The following PDZD8 variants were observed in gnomAD, a reference collection of about 807,000 sequenced individuals.
The protein encoded by PDZD8 is PDZ domain containing 8, also known as PDZ domain-containing protein 8.
A neutral mutation model predicts 85.8 loss-of-function variants in PDZD8; 14 were observed. The ratio of observed to expected loss-of-function variants is 0.16; its 90% CI spans 0.11 to 0.26. The LOEUF (loss-of-function observed/expected upper bound fraction) is 0.26. PDZD8 is among the 10% of genes least tolerant of loss of function. The probability of loss-of-function intolerance (pLI) is 1.00; values close to 1 mark genes in which losing one functional copy is unlikely to be tolerated. For missense variants in PDZD8, 1,197 were observed against 1,424.3 expected, an observed-to-expected ratio of 0.84 and a Z score of 2.57; for synonymous variants, 592 against 568.6, an observed-to-expected ratio of 1.04 and a Z score of -0.59.
At position 117,375,244 on chromosome 10, in the gene PDZD8, C is replaced by A; in HGVS notation, c.-17G>T. 1 of 1,453,170 alleles carries A rather than the reference C, an allele frequency of 6.9e-7. No individual in the cohort carries two copies. The highest frequency in any genetic ancestry group is 1.4e-5 in the South Asian group (1 of 72,288). 90.0% of individuals were successfully genotyped at this position (1,453,170 alleles called of 1,614,324 possible). A position where few individuals can be genotyped will look rare whatever the true frequency, so the allele number is the denominator to read the frequency against. On this transcript the variant is annotated 5_prime_UTR_variant, in exon 1 of 5. Transcript: ENST00000334464. ...CAGCCCCATCCCGCCACCGCCTCCG[C>A]CCGGGCCCCTACTCCCGCGCCCACA... is the stretch of plus-strand genomic sequence containing the variant.
chr10:117,319,021 C>A, intron 2 of PDZD8, 47 bp from the exon 3 acceptor site: 3 of 1,296,742 alleles, frequency 2.3e-6, no homozygotes, highest in South Asian at 2.5e-5. Flanking sequence ...CTGTTATATT[C>A]ATTAAAATTT....
Position 117,283,107 on chromosome 10 carries a change from T to C in PDZD8, c.*161A>G. On this transcript the variant is annotated 3_prime_UTR_variant, in exon 5 of 5. Coordinates refer to ENST00000334464, the MANE Select transcript of PDZD8 (RefSeq NM_173791.5). ...AAACAACCAATTAGTAAGCTGGTCATGTTTTTACTGGAAAACAACCTTTCT... is the reference window on the plus strand; with the variant it reads ...AAACAACCAATTAGTAAGCTGGTCACGTTTTTACTGGAAAACAACCTTTCT... 3.0e-6 allele frequency: 2 copies of C among 671,062 alleles called. No individual in the cohort carries two copies. The highest frequency in any genetic ancestry group is 4.7e-6 in the Non-Finnish European group (2 of 424,352). 41.6% of individuals were successfully genotyped at this position (671,062 alleles called of 1,614,324 possible).
At position 117,277,306 on chromosome 10, in the gene PDZD8, AAAAC is replaced by A. The variant is rs765909254; in HGVS notation, c.*5958_*5961del. The A allele has an allele frequency of 1.4e-5, 18 of 1,281,976 alleles. No homozygotes were observed. In the South Asian group the frequency reaches 2.2e-4, roughly 16 times the overall value. The allele number at this position is 1,281,976 out of a possible 1,614,324, so 79.4% of individuals were successfully genotyped here. On this transcript the variant is annotated 3_prime_UTR_variant, in exon 5 of 5. Transcript: ENST00000334464. ...AAATCATCAAAGTGTTTAATTGTAT[AAAAC>A]AGTGTTTCCAGTGACACAACTCATC... is the stretch of plus-strand genomic sequence containing the variant.
At chr10:117,319,415 ACACACACACACACACACACT>A (rs1484093073) in intron 2 of PDZD8, among the ~76,000 whole-genome samples, 7 of 89,840 alleles carry the variant, frequency 7.8e-5, no homozygotes, top group Admixed American at 1.2e-4. Flanking sequence ...ACACACACAC[ACACACACACACACACACACT>A]CTTCATCTAC....
At chr10:117,368,094 C>A (rs1240254950) in intron 1 of PDZD8, among the ~76,000 whole-genome samples, 1 of 152,176 alleles carries the variant, frequency 6.6e-6, no homozygotes, top group Non-Finnish European at 1.5e-5. Flanking sequence ...GAAAGACTAA[C>A]CCTATAATAG....
rs1276602579 is a variant in PDZD8, at chr10:117,331,048, TAGAC to T, written c.995+9928_995+9931del. Reference sequence around the variant, plus strand: ...CCATCACTTAAGCCTCAATTCAAATTAGACAGCCTCATATAGTTGACTTATTTAT... The same window carrying T: ...CCATCACTTAAGCCTCAATTCAAATTAGCCTCATATAGTTGACTTATTTAT... On this transcript the variant is annotated intron_variant, in intron 2 of 4. Coordinates refer to ENST00000334464, the MANE Select transcript of PDZD8 (RefSeq NM_173791.5). 2.4e-4 allele frequency among the ~76,000 whole-genome samples: 37 copies of T among 152,208 alleles called. 1 individual carries two copies. In the East Asian group the frequency reaches 6.9e-3, roughly 29 times the overall value.
Position 117,290,227 on chromosome 10 carries a change from A to G in PDZD8, c.1220T>C (p.Ile407Thr). 6.2e-7 allele frequency: 1 copy of G among 1,614,132 alleles called. No homozygotes were observed. Among genetic ancestry groups the G allele is most frequent in the Non-Finnish European group, 8.5e-7 (1 of 1,179,986 alleles). Residue 407 changes from isoleucine (I) to threonine (T), a missense_variant, in exon 4 of 5, where the codon ATT becomes ACT. By Grantham distance (89) the Ile-to-Thr change is moderately conservative. Transcript: ENST00000334464. ...TCGATCTCCCCGCTGAAGATCTGCA[A>G]TTGCAGCAGGCGAGTTTGGAGCCAC... is the stretch of plus-strand genomic sequence containing the variant. ...ETVAPNSPAAIADLQRGDRLI... is the reference protein window; with the variant it reads ...ETVAPNSPAATADLQRGDRLI...
intron 1 of PDZD8, among the ~76,000 whole-genome samples, chr10:117,356,858 T>A (rs995458330): frequency 2.6e-5 from 4 of 152,160 alleles, no homozygotes; most frequent in Non-Finnish European, 5.9e-5. Flanking sequence ...CTCAAAGGCT[T>A]TGGAGTACAC....
chr10:117,342,555 G>A (rs1844634722), intron 1 of PDZD8, among the ~76,000 whole-genome samples: 1 of 152,228 alleles, frequency 6.6e-6, no homozygotes, highest in East Asian at 1.9e-4. Flanking sequence ...TTGGCTCACT[G>A]CAACCTCTGC....
intron 3 of PDZD8, among the ~76,000 whole-genome samples, chr10:117,306,028 C>T (rs982460888): frequency 4.6e-5 from 7 of 152,106 alleles, no homozygotes; most frequent in Non-Finnish European, 8.8e-5. Context: ...AAACATCTGG[C>T]GCAATCTAGG....
In PDZD8 at chr10:117,319,392, A is replaced by AACACACACAC. The variant is rs199983551; in HGVS notation, c.996-428_996-419dup. On this transcript the variant is annotated intron_variant, in intron 2 of 4. Coordinates refer to ENST00000334464, the MANE Select transcript of PDZD8 (RefSeq NM_173791.5). The stretch of plus-strand genomic sequence containing the variant: ...CTAAAGTGCAATATAATTGCTCATA[A>AACACACACAC]ACACACACACACACACACACACACA... Among the ~76,000 whole-genome samples, 522 of 101,802 alleles carry AACACACACAC rather than the reference A, an allele frequency of 5.1e-3. 2 individuals are homozygous for AACACACACAC. The highest frequency in any genetic ancestry group is 0.011 in the Middle Eastern group (2 of 190). 66.8% of individuals were successfully genotyped at this position (101,802 alleles called of 152,430 possible). A position where few individuals can be genotyped will look rare whatever the true frequency, so the allele number is the denominator to read the frequency against.
At chr10:117,343,469 ATGT>A (rs747131741) in intron 1 of PDZD8, among the ~76,000 whole-genome samples, 3 of 152,216 alleles carry the variant, frequency 2.0e-5, no homozygotes, top group Non-Finnish European at 2.9e-5. Context: ...TATCAATATA[ATGT>A]TGTAGCTGGG....
chr10:117,318,804 A>G, intron 3 of PDZD8, 68 bp downstream of exon 3: 5 of 1,139,414 alleles, frequency 4.4e-6, no homozygotes, highest in Non-Finnish European at 5.1e-6. Flanking sequence ...GAATACAGAA[A>G]TAGTAATAAA....
chr10:117,372,738 C>T (rs1845215579), intron 1 of PDZD8, among the ~76,000 whole-genome samples: 1 of 152,202 alleles, frequency 6.6e-6, no homozygotes, highest in African/African-American at 2.4e-5. Flanking sequence ...GTTCACCACC[C>T]TCCGCAAATC....
intron 1 of PDZD8, among the ~76,000 whole-genome samples, chr10:117,365,687 G>A (rs376928117): frequency 6.6e-6 from 1 of 152,150 alleles, no homozygotes; most frequent in South Asian, 2.1e-4. Context: ...ACAGTTTTAT[G>A]CCAGTCTTAG....
At position 117,285,583 on chromosome 10, in the gene PDZD8, A is replaced by T. The variant is rs1589993615; in HGVS notation, c.1262-112T>A. The T allele has an allele frequency of 3.5e-6, 4 of 1,149,588 alleles. No homozygotes were observed. The South Asian group carries it at 9.2e-5, about 27-fold the overall frequency. The allele number at this position is 1,149,588 out of a possible 1,614,324, so 71.2% of individuals were successfully genotyped here. A position where few individuals can be genotyped will look rare whatever the true frequency, so the allele number is the denominator to read the frequency against. ...TAATTGCCATTACCTCTGGTTATTT[A>T]ACTAATAGAAGAATAATAGGAAAAT... On this transcript the variant is annotated intron_variant, in intron 4 of 4. Transcript: ENST00000334464.
chr10:117,286,931 A>G (rs1268684204), intron 4 of PDZD8, among the ~76,000 whole-genome samples: 2 of 152,176 alleles, frequency 1.3e-5, no homozygotes, highest in Non-Finnish European at 1.5e-5. Flanking sequence ...TCTTTTGATC[A>G]GTCTGTAAAC....
At chr10:117,363,837 G>A (rs565712384) in intron 1 of PDZD8, among the ~76,000 whole-genome samples, 3 of 152,180 alleles carry the variant, frequency 2.0e-5, no homozygotes, top group Middle Eastern at 6.8e-3. Flanking sequence ...ATTCACAGGC[G>A]TAAATACTCA....
rs1565015355 is a variant in PDZD8, at chr10:117,284,308, CGTTA to C, written c.2421_2424del (p.Asn808Ter). On this transcript the variant is annotated frameshift_variant, in exon 5 of 5. Coordinates refer to ENST00000334464, the MANE Select transcript of PDZD8 (RefSeq NM_173791.5). LOFTEE classifies it high-confidence loss of function. ...AAATGGGGTTCTTTTTCTTTTTCTACGTTAGTAACTACATGGTGGTCTGATTCTC... is the reference window on the plus strand; with the variant it reads ...AAATGGGGTTCTTTTTCTTTTTCTACGTAACTACATGGTGGTCTGATTCTC... 1 of 1,613,884 alleles carries C rather than the reference CGTTA, an allele frequency of 6.2e-7. No individual in the cohort carries two copies. Among genetic ancestry groups the C allele is most frequent in the Admixed American group, 1.7e-5 (1 of 59,960 alleles).
Sources: allele counts gnomAD v4.1 joint callset (sites outside exome capture counted in the v4.1 genomes callset), GRCh38; gene constraint gnomAD v4.1.1; transcripts MANE v1.5; gene names NCBI Gene and HGNC (gene_info 2026-07-23, HGNC 2026-07-21).